The following GEMIN5 variants were observed in gnomAD, a reference collection of about 807,000 sequenced individuals.
GEMIN5 encodes the protein gem-associated protein 5.
Under a neutral mutation model 176.9 loss-of-function variants are expected in GEMIN5, and 124 were observed. The observed-to-expected ratio is 0.70, with a 90% CI of 0.61 to 0.81. GEMIN5 has a LOEUF of 0.81. GEMIN5 is among the 40% of genes least tolerant of loss of function. The pLI, the probability that GEMIN5 is intolerant of heterozygous loss-of-function variation, is 0.00. For synonymous variants in GEMIN5, 673 were observed against 665.2 expected (o/e 1.01, Z -0.18); for missense variants, 1,843 against 1,814.6 (o/e 1.02, Z -0.28).
intron 21 of GEMIN5, among the ~76,000 whole-genome samples, chr5:154,899,802 T>C (rs978690665): frequency 1.3e-5 from 2 of 152,142 alleles, no homozygotes; most frequent in Non-Finnish European, 1.5e-5. Context: ...TAATATTCTG[T>C]GTGACAAATG....
At chr5:154,903,912 C>T (rs1387640478) in intron 18 of GEMIN5, among the ~76,000 whole-genome samples, 1 of 152,086 alleles carries the variant, frequency 6.6e-6, no homozygotes, top group Non-Finnish European at 1.5e-5. Context: ...GATCCTTCTG[C>T]TTCAGCCCCT....
rs1415802195 is a variant in GEMIN5 at position 154,898,647 on chromosome 5, A to T, written c.3138T>A (p.Tyr1046Ter). ...DGHYAVAAKC[Y>*]LGATCAYDAA... The stretch of plus-strand genomic sequence containing the variant: ...CATCATAAGCACAAGTGGCCCCTAA[A>T]TAGCTATAATATGAATAAAAATGTG... The change falls in exon 23 of 28, where the codon TAT becomes TAA. Residue 1046 changes from tyrosine to a stop codon, truncating the protein, a stop_gained. Transcript: ENST00000285873. LOFTEE classifies it high-confidence loss of function. The T allele has an allele frequency of 6.2e-7, 1 of 1,603,154 alleles. No individual in the cohort carries two copies. Among genetic ancestry groups the T allele is most frequent in the Non-Finnish European group, 8.5e-7 (1 of 1,170,090 alleles).
chr5:154,920,066 G>A lies in GEMIN5; in HGVS notation c.1500C>T (p.Ser500=), dbSNP rs750966892. Reference sequence around the variant, plus strand: ...GTAAGACAATCCCTTCTCCTCCACAGCTGTATAAAGCAAGGGAAGGTCTGT... The same window carrying A: ...GTAAGACAATCCCTTCTCCTCCACAACTGTATAAAGCAAGGGAAGGTCTGT... The part of the protein sequence containing the change: ...EGDRPSLALY[S]CGGEGIVLQH... The change falls in exon 11 of 28, where the codon AGC becomes AGT. Residue 500 remains serine (S), a synonymous_variant. Coordinates refer to ENST00000285873, the MANE Select transcript of GEMIN5 (RefSeq NM_015465.5). 3 of 1,612,738 alleles carry A rather than the reference G, an allele frequency of 1.9e-6. No homozygotes were observed. Among genetic ancestry groups the A allele is most frequent in the Non-Finnish European group, 2.5e-6 (3 of 1,179,020 alleles).
At chr5:154,921,824 G>A (rs150980009) in intron 9 of GEMIN5, among the ~76,000 whole-genome samples, 2 of 152,158 alleles carry the variant, frequency 1.3e-5, no homozygotes, top group Non-Finnish European at 2.9e-5. Context: ...CCTAAATTGA[G>A]ACAAGATTTC....
chr5:154,934,260 C>T (rs1206035881), intron 3 of GEMIN5, among the ~76,000 whole-genome samples: 4 of 152,170 alleles, frequency 2.6e-5, no homozygotes, highest in African/African-American at 7.2e-5. Context: ...AATCCTGGCT[C>T]ACCACAACCT....
At chr5:154,901,144 A>C (rs1469557529) in intron 21 of GEMIN5, among the ~76,000 whole-genome samples, 195 bp downstream of exon 21, 1 of 152,186 alleles carries the variant, frequency 6.6e-6, no homozygotes, top group Non-Finnish European at 1.5e-5. Flanking sequence ...TGGACAACAC[A>C]GCAAGACTCC....
intron 5 of GEMIN5, among the ~76,000 whole-genome samples, chr5:154,930,510 TAGAA>T (rs1764138341): frequency 6.6e-6 from 1 of 152,164 alleles, no homozygotes. Context: ...TATTCAGCCT[TAGAA>T]AGGAAGGATA....
At chr5:154,925,699 A>T (rs963755081) in intron 8 of GEMIN5, among the ~76,000 whole-genome samples, 163 bp downstream of exon 8, 4 of 152,200 alleles carry the variant, frequency 2.6e-5, no homozygotes, top group Non-Finnish European at 5.9e-5. Flanking sequence ...CTGGAGGATA[A>T]TGGGTTTGGT....
At chr5:154,919,145 A>G (rs1193415284) in intron 11 of GEMIN5, among the ~76,000 whole-genome samples, 1 of 152,112 alleles carries the variant, frequency 6.6e-6, no homozygotes, top group Non-Finnish European at 1.5e-5. Context: ...CCTGGCCAAC[A>G]TGGTGAAACC....
rs1300653548 is a variant in GEMIN5 at position 154,907,820 on chromosome 5, T to C, written c.2168-2A>G. Reference sequence around the variant, plus strand: ...TCTCCAATTCAATACTTTTTTTGCCTACAAGAATCACAATAAAGGACTGAC... The same window carrying C: ...TCTCCAATTCAATACTTTTTTTGCCCACAAGAATCACAATAAAGGACTGAC... On this transcript the variant is annotated splice_acceptor_variant, in intron 15 of 27. Coordinates refer to ENST00000285873, the MANE Select transcript of GEMIN5 (RefSeq NM_015465.5). LOFTEE classifies it high-confidence loss of function. 1 of 1,606,728 alleles carries C rather than the reference T, an allele frequency of 6.2e-7. No individual in the cohort carries two copies.
At chr5:154,920,256 T>C (rs555206527) in intron 10 of GEMIN5, among the ~76,000 whole-genome samples, 153 bp from the exon 11 acceptor site, 2 of 152,348 alleles carry the variant, frequency 1.3e-5, no homozygotes, top group South Asian at 4.1e-4. Flanking sequence ...CACTGTTCTT[T>C]CCACCTGAAC....
intron 24 of GEMIN5, among the ~76,000 whole-genome samples, chr5:154,894,743 T>C (rs1408358182): frequency 1.3e-5 from 2 of 152,040 alleles, no homozygotes; most frequent in East Asian, 3.9e-4. Flanking sequence ...CTGTCTCTAC[T>C]AAAAATACAA....
chr5:154,911,053 A>G (rs560821620), intron 15 of GEMIN5, among the ~76,000 whole-genome samples: 1 of 152,260 alleles, frequency 6.6e-6, no homozygotes, highest in South Asian at 2.1e-4. Flanking sequence ...AACCTCTTCA[A>G]GCTGTTTCTT....
intron 4 of GEMIN5, chr5:154,931,796 C>A: frequency 2.0e-6 from 1 of 503,652 alleles, no homozygotes; most frequent in South Asian, 2.6e-5. Flanking sequence ...AGGTGGATCA[C>A]CTGAGGTCGG....
intron 27 of GEMIN5, among the ~76,000 whole-genome samples, chr5:154,888,620 CTA>C (rs979774021): frequency 6.6e-6 from 1 of 152,162 alleles, no homozygotes; most frequent in African/African-American, 2.4e-5. Context: ...TTCTACAGCC[CTA>C]TGCAAATCCA....
intron 4 of GEMIN5, 29 bp downstream of exon 4, chr5:154,932,070 G>A: frequency 1.9e-6 from 3 of 1,545,166 alleles, no homozygotes; most frequent in East Asian, 4.5e-5. Flanking sequence ...GTCTCAAGTG[G>A]ACTTAACTTT....
rs1011967211 is a variant in GEMIN5, at chr5:154,891,221, G to A, written c.4262+20C>T. The A allele has an allele frequency of 1.2e-6, 2 of 1,602,586 alleles. No individual in the cohort carries two copies. The highest frequency in any genetic ancestry group is 1.7e-6 in the Non-Finnish European group (2 of 1,172,772). On this transcript the variant is annotated intron_variant, in intron 26 of 27. Transcript: ENST00000285873. ...GCAGGGTCATTTTTCATTCCGTCTT[G>A]TACTTGCCTCAGTACTTACCACTGG...
At chr5:154,897,914 GTTTTT>G (rs35458616) in intron 23 of GEMIN5, among the ~76,000 whole-genome samples, 1 of 124,508 alleles carries the variant, frequency 8.0e-6, no homozygotes, top group Non-Finnish European at 1.6e-5. Context: ...TTTTTTTTGT[GTTTTT>G]TTTTTTTTTT....
chr5:154,913,062 A>ACTG (rs762338842), intron 13 of GEMIN5, 24 bp from the exon 14 acceptor site: 42 of 1,576,326 alleles, frequency 2.7e-5, no homozygotes, highest in Non-Finnish European at 3.5e-5. Flanking sequence ...GAAAGACATC[A>ACTG]CTGCTGCTAC....
Sources: allele counts gnomAD v4.1 joint callset (sites outside exome capture counted in the v4.1 genomes callset), GRCh38; gene constraint gnomAD v4.1.1; transcripts MANE v1.5; gene names NCBI Gene and HGNC (gene_info 2026-07-23, HGNC 2026-07-21).